The following WNK1 variants were observed in gnomAD, a reference collection of about 807,000 sequenced individuals.
WNK1 encodes serine/threonine-protein kinase WNK1.
WNK1 carries 38 observed loss-of-function variants against 222.8 expected under a neutral mutation model. The ratio of observed to expected loss-of-function variants is 0.17; its 90% CI spans 0.13 to 0.22. WNK1 has a LOEUF of 0.22. Ranked by LOEUF, WNK1 falls within the 10% of genes least tolerant of loss-of-function variation. The probability of loss-of-function intolerance (pLI) is 1.00; values close to 1 mark genes in which losing one functional copy is unlikely to be tolerated. For synonymous variants in WNK1, 1,090 were observed against 1,092.9 expected, an observed-to-expected ratio of 1.00 and a Z score of 0.05; for missense variants, 2,348 against 2,918.4, an observed-to-expected ratio of 0.80 and a Z score of 4.50.
chr12:810,603 C>T (rs1218695437), intron 1 of WNK1, among the ~76,000 whole-genome samples: 3 of 151,766 alleles, frequency 2.0e-5, no homozygotes, highest in East Asian at 1.9e-4. Flanking sequence ...TGCTTCTGGG[C>T]GAATAAAGTG....
intron 1 of WNK1, among the ~76,000 whole-genome samples, chr12:806,815 A>G (rs1480219989): frequency 6.6e-6 from 1 of 152,248 alleles, no homozygotes; most frequent in Non-Finnish European, 1.5e-5. Context: ...GAATTCCAGA[A>G]TTAGTAAAAC....
chr12:860,908 T>C, intron 6 of WNK1, 105 bp from the exon 7 acceptor site: 1 of 1,099,720 alleles, frequency 9.1e-7, no homozygotes, highest in Non-Finnish European at 1.3e-6. Context: ...CCTCCTCTTC[T>C]CTACTTTTTT....
chr12:879,682 G>A lies in WNK1; in HGVS notation c.2483G>A (p.Gly828Glu). ...VHSGAHFLPV[G>E]QPLPTPLLPQ... ...TCTGGTGCTCATTTCCTTCCAGTGGGACAGCCGCTCCCTACTCCCTTGCTC... is the reference window on the plus strand; with the variant it reads ...TCTGGTGCTCATTTCCTTCCAGTGGAACAGCCGCTCCCTACTCCCTTGCTC... The change falls in exon 11 of 28, where the codon GGA becomes GAA. Residue 828 changes from glycine (G) to glutamate (E), a missense_variant. Transcript: ENST00000315939. The A allele has an allele frequency of 1.2e-6, 2 of 1,613,690 alleles. No individual in the cohort carries two copies. The highest frequency in any genetic ancestry group is 1.7e-6 in the Non-Finnish European group (2 of 1,179,930).
Position 879,561 on chromosome 12 carries a change from T to C in WNK1, c.2374-12T>C. The C allele has an allele frequency of 6.4e-7, 1 of 1,567,332 alleles. No individual in the cohort carries two copies. The highest frequency in any genetic ancestry group is 2.3e-5 in the East Asian group (1 of 44,374). ...TTAAGCCTGTCTGTTTTGTTTTTCT[T>C]TACCTTCCCAGCTTCCAGTTTCCCA... On this transcript the variant is annotated splice_polypyrimidine_tract_variant and intron_variant, in intron 10 of 27. Coordinates refer to ENST00000315939, the MANE Select transcript of WNK1 (RefSeq NM_018979.4).
chr12:876,615 C>T (rs1253954877), intron 9 of WNK1, among the ~76,000 whole-genome samples: 1 of 152,066 alleles, frequency 6.6e-6, no homozygotes, highest in Non-Finnish European at 1.5e-5. Context: ...AAATAAATAG[C>T]TTATCTTTAT....
chr12:753,670 G>A lies in WNK1; in HGVS notation c.105G>A (p.Val35=), dbSNP rs1405327911. Residue 35 remains valine (V), a synonymous_variant, in exon 1 of 28, where the codon GTG becomes GTA. Transcript: ENST00000315939. The surrounding 1 kb of genome is among the most constrained non-coding windows in gnomAD (Gnocchi z 5.2). ...PKNGSSSDSS[V]GEKLGAAAAD... ...ATGGCTCCAGCTCCGATTCCTCCGT[G>A]GGGGAGAAACTGGGAGCCGCGGCCG... 1 of 1,612,436 alleles carries A rather than the reference G, an allele frequency of 6.2e-7. No individual in the cohort carries two copies. The highest frequency in any genetic ancestry group is 8.5e-7 in the Non-Finnish European group (1 of 1,179,856).
Position 896,086 on chromosome 12 carries a change from G to C in WNK1, c.5599G>C (p.Asp1867His), listed in dbSNP as rs1264762799. 1 of 1,614,080 alleles carries C rather than the reference G, an allele frequency of 6.2e-7. No individual in the cohort carries two copies. Among genetic ancestry groups the C allele is most frequent in the African/African-American group, 1.3e-5 (1 of 74,918 alleles). Residue 1867 changes from aspartate to histidine, a missense_variant, in exon 24 of 28, where the codon GAC (aspartate) becomes CAC (histidine). Physicochemically the swap from Asp to His is moderately conservative, Grantham distance 81. Coordinates refer to ENST00000315939, the MANE Select transcript of WNK1 (RefSeq NM_018979.4). ...TTTTTATCAGGTTTCTGTTGCAGCA[G>C]ACGGTGCCCAGAAAGAGGGTAAAAA... The part of the protein sequence containing the change: ...MGRFQVSVAA[D>H]GAQKEGKNKS...
intron 26 of WNK1, 113 bp downstream of exon 26, chr12:900,783 GTGT>G: frequency 7.8e-7 from 1 of 1,277,844 alleles, no homozygotes; most frequent in South Asian, 1.2e-5. Flanking sequence ...CACAGCCTGT[GTGT>G]TGTACACTGA....
intron 1 of WNK1, among the ~76,000 whole-genome samples, chr12:802,555 C>G (rs1158308496): frequency 6.6e-6 from 1 of 151,902 alleles, no homozygotes; most frequent in Non-Finnish European, 1.5e-5. Flanking sequence ...TTGTTGAAGC[C>G]CTGATACTAA....
At chr12:869,293 G>A (rs1951942384) in intron 8 of WNK1, 10 of 760,326 alleles carry the variant, frequency 1.3e-5, no homozygotes, top group South Asian at 1.3e-4. Context: ...TGTGAGAGAA[G>A]CTACCTGATT....
intron 4 of WNK1, among the ~76,000 whole-genome samples, chr12:850,330 AT>A (rs1460484013): frequency 6.6e-6 from 1 of 151,930 alleles, no homozygotes; most frequent in East Asian, 1.9e-4. Flanking sequence ...GATGATGAGC[AT>A]TTTTTCATGT....
intron 1 of WNK1, among the ~76,000 whole-genome samples, chr12:807,757 T>C (rs1946507005): frequency 1.5e-5 from 2 of 130,944 alleles, no homozygotes; most frequent in South Asian, 2.5e-4. Context: ...TCTGGCTCTG[T>C]GGCCCAGGCT....
intron 1 of WNK1, among the ~76,000 whole-genome samples, chr12:802,516 A>G (rs1591770069): frequency 6.6e-6 from 1 of 152,308 alleles, no homozygotes; most frequent in East Asian, 1.9e-4. Context: ...AAGTTCTATT[A>G]TGATTGATAT....
intron 1 of WNK1, among the ~76,000 whole-genome samples, chr12:767,239 T>TC: frequency 8.0e-5 from 1 of 12,438 alleles, no homozygotes; most frequent in African/African-American, 1.7e-4. Context: ...GATAGGTTTT[T>TC]TTTTTTTTTT....
At chr12:869,233 TC>T in intron 8 of WNK1, 1 of 1,378,602 alleles carries the variant, frequency 7.3e-7, no homozygotes, top group Non-Finnish European at 1.0e-6. Context: ...CAGTAGAGTT[TC>T]CCCATCTTTG....
intron 1 of WNK1, among the ~76,000 whole-genome samples, chr12:757,646 C>T (rs1470887053): frequency 1.7e-5 from 2 of 120,126 alleles, no homozygotes; most frequent in African/African-American, 2.6e-5. Context: ...TTGTCTTGGT[C>T]AGAAAATATT....
At chr12:786,721 C>T (rs1944345268) in intron 1 of WNK1, among the ~76,000 whole-genome samples, 1 of 152,156 alleles carries the variant, frequency 6.6e-6, no homozygotes, top group Non-Finnish European at 1.5e-5. Flanking sequence ...CCCACCTTGG[C>T]CTCCCAAAGT....
intron 9 of WNK1, 40 bp downstream of exon 9, chr12:871,388 G>A: frequency 6.3e-7 from 1 of 1,589,026 alleles, no homozygotes. Context: ...AATTAGCAGT[G>A]GCCAGAACAC....
intron 3 of WNK1, among the ~76,000 whole-genome samples, chr12:829,110 A>G (rs1457476097): frequency 6.6e-6 from 1 of 152,148 alleles, no homozygotes; most frequent in Non-Finnish European, 1.5e-5. Context: ...CTGGCCCAAT[A>G]GAGTTTTTAT....
Sources: gnomAD v4.1 joint callset for allele counts (sites outside exome capture counted in the v4.1 genomes callset) on GRCh38, gnomAD v4.1.1 for gene constraint, Gnocchi (gnomAD v3.1) non-coding constraint, MANE v1.5 for transcripts, NCBI Gene and HGNC (gene_info 2026-07-23, HGNC 2026-07-21) for gene names.